BIN2: variants seen among roughly 807,000 people sequenced by gnomAD.
The protein encoded by BIN2 is breast cancer associated protein BRAP1.
In BIN2, 43 loss-of-function variants were observed where a neutral mutation model predicts 67.9. That is an observed-to-expected ratio of 0.63 (90% CI 0.50 to 0.82). The LOEUF (loss-of-function observed/expected upper bound fraction) is 0.82, where lower values mean the gene tolerates loss of function less well. Ranked by LOEUF, BIN2 falls within the 40% of genes least tolerant of loss-of-function variation. The pLI is 0.00. For synonymous variants in BIN2, 244 were observed against 246.8 expected (o/e 0.99, Z 0.11); for missense variants, 581 against 671.6 (o/e 0.87, Z 1.49).
chr12:51,294,423 C>T (rs969883644), intron 9 of BIN2, among the ~76,000 whole-genome samples: 2 of 152,048 alleles, frequency 1.3e-5, no homozygotes, highest in African/African-American at 4.8e-5. Context: ...AAAAATTAGC[C>T]GGGTGTGGTG....
intron 1 of BIN2, among the ~76,000 whole-genome samples, chr12:51,320,063 G>GC (rs1946231179): frequency 6.6e-6 from 1 of 151,928 alleles, no homozygotes; most frequent in Non-Finnish European, 1.5e-5. Context: ...TCAGCTCACT[G>GC]CAACCTCCAC....
chr12:51,296,202 C>T lies in BIN2; in HGVS notation c.679-324G>A, dbSNP rs1054380078. On this transcript the variant is annotated intron_variant, in intron 8 of 12. Coordinates refer to ENST00000615107, the MANE Select transcript of BIN2 (RefSeq NM_016293.4). Reference sequence around the variant, plus strand: ...TGAAAACTCATTTTTAGGCCAGGCGCCTAAAAATGTAAAACTCATTTTACA... The same window carrying T: ...TGAAAACTCATTTTTAGGCCAGGCGTCTAAAAATGTAAAACTCATTTTACA... Among the ~76,000 whole-genome samples, 13 of 152,044 alleles carry T rather than the reference C, an allele frequency of 8.6e-5. 1 individual carries two copies. Among genetic ancestry groups the T allele is most frequent in the Non-Finnish European group, 1.5e-4 (10 of 67,992 alleles).
At chr12:51,323,960 C>G (rs1253949455) in intron 1 of BIN2, 62 bp downstream of exon 1, 20 of 1,592,484 alleles carry the variant, frequency 1.3e-5, no homozygotes, top group Middle Eastern at 3.4e-4. Flanking sequence ...CCTGCCCGGC[C>G]GGGCTCGGCC....
At chr12:51,300,467 C>T (rs1289896444) in intron 5 of BIN2, among the ~76,000 whole-genome samples, 1 of 152,106 alleles carries the variant, frequency 6.6e-6, no homozygotes, top group Non-Finnish European at 1.5e-5. Context: ...AGTGGCAAGG[C>T]ACATCTCTTT....
At chr12:51,316,366 G>A (rs991859249) in intron 1 of BIN2, among the ~76,000 whole-genome samples, 3 of 151,136 alleles carry the variant, frequency 2.0e-5, no homozygotes, top group Non-Finnish European at 4.4e-5. Flanking sequence ...AGTGGTGGCA[G>A]ACGCATGTAA....
chr12:51,281,798 A>G (rs889520569), intron 12 of BIN2, among the ~76,000 whole-genome samples: 2 of 151,996 alleles, frequency 1.3e-5, no homozygotes, highest in Middle Eastern at 3.2e-3. Flanking sequence ...TCTGTCTCCC[A>G]GGCTGGAGTG....
At chr12:51,289,740 G>A (rs1400431856) in intron 10 of BIN2, among the ~76,000 whole-genome samples, 2 of 151,616 alleles carry the variant, frequency 1.3e-5, no homozygotes, top group Non-Finnish European at 2.9e-5. Flanking sequence ...TTTGAGATAG[G>A]GTCTCACTCT....
At chr12:51,296,994 A>G (rs1020118539) in intron 8 of BIN2, 95 bp downstream of exon 8, 1 of 1,162,858 alleles carries the variant, frequency 8.6e-7, no homozygotes, top group Non-Finnish European at 1.2e-6. Context: ...CTGTGGTGCC[A>G]ATACGGATAT....
chr12:51,302,247 G>A, intron 4 of BIN2, 132 bp from the exon 5 acceptor site: 1 of 633,446 alleles, frequency 1.6e-6, no homozygotes, highest in Non-Finnish European at 2.8e-6. Flanking sequence ...TTGGATTCTG[G>A]GGACTAGTCA....
At chr12:51,306,588 T>C (rs763329590) in intron 2 of BIN2, among the ~76,000 whole-genome samples, 4 of 152,126 alleles carry the variant, frequency 2.6e-5, no homozygotes, top group Non-Finnish European at 5.9e-5. Flanking sequence ...AATTGCGCCA[T>C]TGCACTGCAG....
At chr12:51,295,745 T>C in intron 9 of BIN2, 51 bp downstream of exon 9, 2 of 1,478,722 alleles carry the variant, frequency 1.4e-6, no homozygotes, top group South Asian at 2.3e-5. Context: ...GGATGTTGAA[T>C]ACATTCACAC....
At position 51,292,364 on chromosome 12, in the gene BIN2, A is replaced by G; in HGVS notation, c.762-20T>C. ...CTGCTGCTAAAAAAGGAAGGTGTTC[A>G]GATTCAGAACGGCTAAAAACCAGAA... On this transcript the variant is annotated intron_variant, in intron 9 of 12. Transcript: ENST00000615107. 1.3e-6 allele frequency: 2 copies of G among 1,545,522 alleles called. No homozygotes were observed. Among genetic ancestry groups the G allele is most frequent in the Non-Finnish European group, 1.7e-6 (2 of 1,153,378 alleles).
In BIN2 at chr12:51,303,145, A is replaced by C. The variant is rs879621332; in HGVS notation, c.163-4T>G. On this transcript the variant is annotated splice_region_variant and splice_polypyrimidine_tract_variant and intron_variant, in intron 2 of 12. Coordinates refer to ENST00000615107, the MANE Select transcript of BIN2 (RefSeq NM_016293.4). Reference sequence around the variant, plus strand: ...TGTACAGCTTGTGGCCTTCTGCCTGAAAGAGAAAAGTACATTTGGTGACTA... The same window carrying C: ...TGTACAGCTTGTGGCCTTCTGCCTGCAAGAGAAAAGTACATTTGGTGACTA... The C allele has an allele frequency of 1.2e-6, 2 of 1,613,750 alleles. No individual in the cohort carries two copies. Among genetic ancestry groups the C allele is most frequent in the Non-Finnish European group, 1.7e-6 (2 of 1,179,750 alleles).
In BIN2 at chr12:51,303,124, C is replaced by G; in HGVS notation, c.180G>C (p.Leu60=). The part of the protein sequence containing the change: ...FYQQQAEGHK[L]YKDLKNFLSA... ...TAAGGAAGTTCTTCAGGTCCTTGTA[C>G]AGCTTGTGGCCTTCTGCCTGAAAGA... Residue 60 remains leucine, a synonymous_variant, in exon 3 of 13, where the codon CTG becomes CTC. Transcript: ENST00000615107. The G allele has an allele frequency of 6.2e-7, 1 of 1,614,162 alleles. No individual in the cohort carries two copies. The highest frequency in any genetic ancestry group is 1.6e-4 in the Middle Eastern group (1 of 6,062).
Position 51,314,116 on chromosome 12 carries a change from C to T in BIN2, c.82-213G>A, listed in dbSNP as rs966702997. ...AGGCTGGAGTGCAGTGGCACGATCT[C>T]GGCTCACTGCAACCTTCGCCTCCCA... On this transcript the variant is annotated intron_variant, in intron 1 of 12. Coordinates refer to ENST00000615107, the MANE Select transcript of BIN2 (RefSeq NM_016293.4). Among the ~76,000 whole-genome samples, 7 of 151,866 alleles carry T rather than the reference C, an allele frequency of 4.6e-5. No homozygotes were observed. The East Asian group carries it at 7.7e-4, about 17-fold the overall frequency.
chr12:51,309,051 G>A (rs1174068583), intron 2 of BIN2, among the ~76,000 whole-genome samples: 1 of 152,104 alleles, frequency 6.6e-6, no homozygotes, highest in East Asian at 1.9e-4. Flanking sequence ...TAGGAAGTTT[G>A]GTATTGATAG....
intron 2 of BIN2, among the ~76,000 whole-genome samples, chr12:51,308,605 CAA>C (rs1260770614): frequency 4.6e-5 from 7 of 152,078 alleles, no homozygotes; most frequent in Non-Finnish European, 7.4e-5. Context: ...TTGAAGTGAT[CAA>C]GTGTTGAAAG....
At chr12:51,297,660 T>C (rs1168774547) in intron 7 of BIN2, among the ~76,000 whole-genome samples, 1 of 152,156 alleles carries the variant, frequency 6.6e-6, no homozygotes, top group African/African-American at 2.4e-5. Context: ...CACGTGATTC[T>C]TAGGAGCAGG....
chr12:51,284,151 C>T (rs1945183484), intron 12 of BIN2, among the ~76,000 whole-genome samples: 1 of 152,162 alleles, frequency 6.6e-6, no homozygotes, highest in Admixed American at 6.6e-5. Flanking sequence ...CTGCAAGCTC[C>T]ACTCATGATA....
Sources: gnomAD v4.1 joint callset for allele counts (sites outside exome capture counted in the v4.1 genomes callset) on GRCh38, gnomAD v4.1.1 for gene constraint, MANE v1.5 for transcripts, NCBI Gene and HGNC (gene_info 2026-07-23, HGNC 2026-07-21) for gene names.